The following GAN variants were observed in gnomAD, a reference collection of about 807,000 sequenced individuals.
GAN encodes epididymis secretory sperm binding protein.
In GAN, 48 loss-of-function variants were observed where a neutral mutation model predicts 71.3. The ratio of observed to expected loss-of-function variants is 0.67; its 90% CI spans 0.53 to 0.86. The LOEUF is 0.86. Among genes scored for constraint, GAN ranks in the 40% least tolerant of loss-of-function variants. GAN has a pLI of 0.00. For missense variants in GAN, 928 were observed against 770.1 expected, an observed-to-expected ratio of 1.21 and a Z score of -2.43; for synonymous variants, 386 against 276.8, an observed-to-expected ratio of 1.39 and a Z score of -3.92.
chr16:81,320,967 T>C (rs1407324363), intron 1 of GAN, among the ~76,000 whole-genome samples: 3 of 152,204 alleles, frequency 2.0e-5, no homozygotes, highest in Non-Finnish European at 4.4e-5. Context: ...TAAACCCTAT[T>C]CTTACTGAGT....
chr16:81,383,446 G>T lies in GAN; in HGVS notation c.*5850G>T, dbSNP rs973867248. Reference sequence around the variant, plus strand: ...TTTTTGTGTTTTTAGTAGAGACGGGGTTTCACCATGTTAGCCAGCATGGTC... The same window carrying T: ...TTTTTGTGTTTTTAGTAGAGACGGGTTTTCACCATGTTAGCCAGCATGGTC... On this transcript the variant is annotated 3_prime_UTR_variant, in exon 11 of 11. Coordinates refer to ENST00000648994, the MANE Select transcript of GAN (RefSeq NM_022041.4). 3 of 150,666 alleles carry T rather than the reference G, an allele frequency of 2.0e-5. No individual in the cohort carries two copies. The highest frequency in any genetic ancestry group is 4.4e-5 in the Non-Finnish European group (3 of 67,700). 9.3% of individuals were successfully genotyped at this position (150,666 alleles called of 1,614,324 possible).
At position 81,382,622 on chromosome 16, in the gene GAN, C is replaced by G. The variant is rs372605159; in HGVS notation, c.*5026C>G. 3.9e-5 allele frequency: 6 copies of G among 152,200 alleles called. No homozygotes were observed. The highest frequency in any genetic ancestry group is 2.6e-4 in the Admixed American group (4 of 15,294). 9.4% of individuals were successfully genotyped at this position (152,200 alleles called of 1,614,324 possible). The stretch of plus-strand genomic sequence containing the variant: ...ATTCTTGAAATACTCTTTACTCTGT[C>G]TGTAGTTTTGAGAAATTACAGAAAT... On this transcript the variant is annotated 3_prime_UTR_variant, in exon 11 of 11. Coordinates refer to ENST00000648994, the MANE Select transcript of GAN (RefSeq NM_022041.4).
In GAN at chr16:81,377,241, A is replaced by C. The variant is rs1273662071; in HGVS notation, c.1525A>C (p.Asn509His). The change falls in exon 10 of 11, where the codon AAT becomes CAT. Residue 509 changes from asparagine to histidine, a missense_variant. Asn to His is a moderately conservative substitution (Grantham distance 68). Coordinates refer to ENST00000648994, the MANE Select transcript of GAN (RefSeq NM_022041.4). ...FKRWIYLNDQ[N>H]LCIPASSSFV... ...CAGGTGGATCTATCTTAACGACCAG[A>C]ATTTATGCATCCCCGCCAGTTCCTC... 6.2e-7 allele frequency: 1 copy of C among 1,609,916 alleles called. No individual in the cohort carries two copies. Among genetic ancestry groups the C allele is most frequent in the Admixed American group, 1.7e-5 (1 of 60,002 alleles).
chr16:81,364,152 G>C (rs917594629), intron 7 of GAN, among the ~76,000 whole-genome samples: 3 of 152,156 alleles, frequency 2.0e-5, no homozygotes, highest in African/African-American at 7.2e-5. Flanking sequence ...TATCCTGCTT[G>C]TGGGCCCTGT....
chr16:81,355,722 C>A (rs1422042241), intron 3 of GAN, among the ~76,000 whole-genome samples: 3 of 152,088 alleles, frequency 2.0e-5, no homozygotes, highest in African/African-American at 7.2e-5. Flanking sequence ...TTACTGTTTT[C>A]AAAATAAGAA....
At chr16:81,333,821 C>T (rs557258576) in intron 1 of GAN, among the ~76,000 whole-genome samples, 4 of 152,186 alleles carry the variant, frequency 2.6e-5, no homozygotes, top group Non-Finnish European at 4.4e-5. Context: ...TTTGGTTACA[C>T]GTTGTAGCTG....
Position 81,379,538 on chromosome 16 carries a change from G to A in GAN, c.*1942G>A, listed in dbSNP as rs1048535232. 4.6e-5 allele frequency: 7 copies of A among 152,236 alleles called. No homozygotes were observed. Among genetic ancestry groups the A allele is most frequent in the Non-Finnish European group, 8.8e-5 (6 of 68,030 alleles). The allele number at this position is 152,236 out of a possible 1,614,324, so 9.4% of individuals were successfully genotyped here. ...TTGTCTGCACATTTTCGTAGTGACA[G>A]TGTGGAGATCTTTTTAATGAAAGCA... On this transcript the variant is annotated 3_prime_UTR_variant, in exon 11 of 11. Coordinates refer to ENST00000648994, the MANE Select transcript of GAN (RefSeq NM_022041.4).
intron 1 of GAN, among the ~76,000 whole-genome samples, chr16:81,321,090 T>A (rs1024688502): frequency 4.6e-5 from 7 of 152,214 alleles, no homozygotes; most frequent in Non-Finnish European, 1.0e-4. Context: ...AGATTACTCA[T>A]GTCAGTTTAA....
intron 1 of GAN, among the ~76,000 whole-genome samples, chr16:81,348,390 CCTTT>C (rs1416663250): frequency 1.3e-5 from 2 of 152,150 alleles, no homozygotes; most frequent in African/African-American, 2.4e-5. Flanking sequence ...ATCTTTACTT[CCTTT>C]AAGTTACCTT....
intron 1 of GAN, among the ~76,000 whole-genome samples, chr16:81,343,299 C>G (rs1193580566): frequency 6.6e-6 from 1 of 152,138 alleles, no homozygotes; most frequent in Non-Finnish European, 1.5e-5. Flanking sequence ...ATACCAAAGC[C>G]TGGGAGAGAC....
chr16:81,347,643 T>A (rs1910164806), intron 1 of GAN, among the ~76,000 whole-genome samples: 1 of 152,208 alleles, frequency 6.6e-6, no homozygotes, highest in Non-Finnish European at 1.5e-5. Flanking sequence ...CCCCTGCCAC[T>A]TGATTGATAG....
chr16:81,375,377 C>T (rs1904277197), intron 9 of GAN, among the ~76,000 whole-genome samples: 1 of 122,492 alleles, frequency 8.2e-6, no homozygotes, highest in African/African-American at 3.2e-5. Context: ...CTCACTTTTG[C>T]CCAGGCTGAA....
chr16:81,369,749 G>A (rs771021055), intron 9 of GAN, among the ~76,000 whole-genome samples: 36 of 152,096 alleles, frequency 2.4e-4, no homozygotes, highest in Non-Finnish European at 5.0e-4. Context: ...CCGCCACCGC[G>A]CCCAGCTAAT....
chr16:81,334,641 A>C (rs545246264), intron 1 of GAN, among the ~76,000 whole-genome samples: 18 of 152,314 alleles, frequency 1.2e-4, no homozygotes, highest in African/African-American at 4.1e-4. Context: ...TTGAGCATTG[A>C]ATTGAACTGC....
rs536508881 is a variant in GAN, at chr16:81,339,683, C to G, written c.168-11900C>G. 1.3e-5 allele frequency among the ~76,000 whole-genome samples: 2 copies of G among 152,268 alleles called. 1 individual carries two copies. Among genetic ancestry groups the G allele is most frequent in the African/African-American group, 4.8e-5 (2 of 41,550 alleles). ...TGCTGGGGAAATTCATAACAGGAAT[C>G]TATTTTTACCTACAAAGAGGTAAGG... is the stretch of plus-strand genomic sequence containing the variant. On this transcript the variant is annotated intron_variant, in intron 1 of 10. Transcript: ENST00000648994.
rs1394459173 is a variant in GAN at position 81,377,523 on chromosome 16, G to A, written c.1721G>A (p.Arg574His). 3.1e-6 allele frequency: 5 copies of A among 1,613,990 alleles called. No individual in the cohort carries two copies. Among genetic ancestry groups the A allele is most frequent in the African/African-American group, 1.3e-5 (1 of 74,912 alleles). ...DLRRTGCAAL[R>H]IANCKLFRLQ... ...CGCCGTACAGGATGTGCAGCCTTAC[G>A]CATTGCGAATTGCAAGCTTTTCCGC... Residue 574 changes from arginine (R) to histidine (H), a missense_variant, in exon 11 of 11, where the codon CGC becomes CAC. Arg to His is a conservative substitution (Grantham distance 29, BLOSUM62 0). Transcript: ENST00000648994.
intron 1 of GAN, among the ~76,000 whole-genome samples, chr16:81,333,274 G>T (rs1226890463): frequency 6.6e-6 from 1 of 151,186 alleles, no homozygotes; most frequent in East Asian, 1.9e-4. Context: ...GAATCCACTA[G>T]GTTAGTCTGT....
intron 9 of GAN, among the ~76,000 whole-genome samples, chr16:81,369,845 C>T (rs1458042554): frequency 6.6e-6 from 1 of 152,216 alleles, no homozygotes; most frequent in Non-Finnish European, 1.5e-5. Flanking sequence ...GCTGGGATTA[C>T]AGGCATGAGC....
chr16:81,341,493 A>C (rs1045938071), intron 1 of GAN, among the ~76,000 whole-genome samples: 3 of 152,216 alleles, frequency 2.0e-5, no homozygotes, highest in Admixed American at 6.5e-5. Context: ...AACATTCTTA[A>C]AACTATTTTC....
Sources: gnomAD v4.1 joint callset for allele counts (sites outside exome capture counted in the v4.1 genomes callset) on GRCh38, gnomAD v4.1.1 for gene constraint, MANE v1.5 for transcripts, NCBI Gene and HGNC (gene_info 2026-07-23, HGNC 2026-07-21) for gene names.